Variants in SMCHD1 observed in about 807,000 individuals in gnomAD.
SMCHD1 encodes structural maintenance of chromosomes flexible hinge domain containing 1.
Under a neutral mutation model 254.7 loss-of-function variants are expected in SMCHD1, and 78 were observed. The observed-to-expected ratio is 0.31, with a 90% CI of 0.26 to 0.37. SMCHD1 has a LOEUF of 0.37. Ranked by LOEUF, SMCHD1 falls within the 10% of genes least tolerant of loss-of-function variation. The probability of loss-of-function intolerance (pLI) is 1.00; values close to 1 mark genes in which losing one functional copy is unlikely to be tolerated. For synonymous variants in SMCHD1, 766 were observed against 794.9 expected, an observed-to-expected ratio of 0.96 and a Z score of 0.61; for missense variants, 1,840 against 2,408.1, an observed-to-expected ratio of 0.76 and a Z score of 4.94.
At position 2,732,053 on chromosome 18, in the gene SMCHD1, A is replaced by G. The variant is rs141508441; in HGVS notation, c.3049-212A>G. 5.3e-5 allele frequency among the ~76,000 whole-genome samples: 8 copies of G among 152,286 alleles called. No individual in the cohort carries two copies. In the East Asian group the frequency reaches 1.5e-3, roughly 29 times the overall value. ...GGGGAATCCTTTTAGTCCACATACA[A>G]TTGTTTTTATTTTAAGAATGTGGCC... On this transcript the variant is annotated intron_variant, in intron 24 of 47. Transcript: ENST00000320876.
intron 34 of SMCHD1, among the ~76,000 whole-genome samples, chr18:2,759,571 C>CTTTTTTTTTTTTTTTTTTT (rs61159403): frequency 7.2e-5 from 5 of 69,520 alleles, no homozygotes; most frequent in African/African-American, 1.7e-4. Flanking sequence ...TTAATTCTCT[C>CTTTTTTTTTTTTTTTTTTT]TTTTTTTTTT....
At chr18:2,790,612 T>C (rs2143838536) in intron 45 of SMCHD1, among the ~76,000 whole-genome samples, 1 of 152,076 alleles carries the variant, frequency 6.6e-6, no homozygotes, top group East Asian at 1.9e-4. Flanking sequence ...ATACAAAAAA[T>C]TAGCTGGGCG....
intron 5 of SMCHD1, among the ~76,000 whole-genome samples, chr18:2,678,537 G>C (rs1483633850): frequency 3.3e-5 from 5 of 151,920 alleles, no homozygotes; most frequent in African/African-American, 1.2e-4. Context: ...GGTTGGTCTC[G>C]AACTCCTGAC....
chr18:2,662,328 G>A (rs1380977889), intron 1 of SMCHD1, among the ~76,000 whole-genome samples: 1 of 151,712 alleles, frequency 6.6e-6, no homozygotes, highest in Non-Finnish European at 1.5e-5. Context: ...AGTAACTACA[G>A]GATGCATAAT....
Position 2,772,312 on chromosome 18 carries a change from A to C in SMCHD1, c.5115A>C (p.Lys1705Asn). 1 of 1,609,022 alleles carries C rather than the reference A, an allele frequency of 6.2e-7. No homozygotes were observed. The highest frequency in any genetic ancestry group is 8.5e-7 in the Non-Finnish European group (1 of 1,178,048). The change falls in exon 41 of 48, where the codon AAA becomes AAC. Residue 1705 changes from lysine (K) to asparagine (N), a missense_variant. Physicochemically the swap from Lys to Asn is moderately conservative, Grantham distance 94 (BLOSUM62 0). This residue lies in a region of SMCHD1 where 881 missense variants were observed against 1,009.5 expected (regional missense o/e 0.87). Transcript: ENST00000320876. ...KLSEQEELKK[K>N]PRRSCTLPNY... is the part of the protein sequence containing the mutation. The stretch of plus-strand genomic sequence containing the variant: ...CAGAACAAGAAGAACTGAAGAAAAA[A>C]CCTAGAAGATCGTGTACTCTTCCAA...
intron 37 of SMCHD1, among the ~76,000 whole-genome samples, chr18:2,768,118 T>C (rs1042170099): frequency 6.6e-6 from 1 of 151,924 alleles, no homozygotes; most frequent in African/African-American, 2.4e-5. Context: ...GACTGATATA[T>C]TGAACAGATT....
intron 10 of SMCHD1, among the ~76,000 whole-genome samples, chr18:2,699,689 C>T (rs528936823): frequency 6.6e-6 from 1 of 152,184 alleles, no homozygotes; most frequent in Non-Finnish European, 1.5e-5. Flanking sequence ...TGCTAATAGA[C>T]AAAAAGATAT....
Position 2,760,635 on chromosome 18 carries a change from CT to C in SMCHD1, c.4347-14del. 1.4e-6 allele frequency: 2 copies of C among 1,383,312 alleles called. No individual in the cohort carries two copies. Among genetic ancestry groups the C allele is most frequent in the South Asian group, 2.3e-5 (2 of 85,474 alleles). The allele number at this position is 1,383,312 out of a possible 1,614,324, so 85.7% of individuals were successfully genotyped here. On this transcript the variant is annotated splice_polypyrimidine_tract_variant and intron_variant, in intron 34 of 47. Coordinates refer to ENST00000320876, the MANE Select transcript of SMCHD1 (RefSeq NM_015295.3). ...ATACAAACATTGTCAGTAATCTTAA[CT>C]TTCTTTTAAATTTAGGGATAAAGTA...
At chr18:2,771,080 C>T (rs1462170434) in intron 39 of SMCHD1, among the ~76,000 whole-genome samples, 1 of 151,930 alleles carries the variant, frequency 6.6e-6, no homozygotes, top group Non-Finnish European at 1.5e-5. Flanking sequence ...AAATATTTAC[C>T]GCTTGCCTCA....
At chr18:2,773,606 T>A (rs2076018827) in intron 41 of SMCHD1, among the ~76,000 whole-genome samples, 1 of 152,126 alleles carries the variant, frequency 6.6e-6, no homozygotes, top group African/African-American at 2.4e-5. Context: ...CCTTAAAAAA[T>A]ACTCTTCCTG....
In SMCHD1 at chr18:2,707,912, T is replaced by C; in HGVS notation, c.2252T>C (p.Ile751Thr). 1 of 1,583,106 alleles carries C rather than the reference T, an allele frequency of 6.3e-7. No individual in the cohort carries two copies. ...SKKLLVELKV[I>T]LHSSSGNKEI... Reference sequence around the variant, plus strand: ...AAACTCCTGGTTGAGCTCAAAGTTATTTTACATTGTAAGTATACAAACTAA... The same window carrying C: ...AAACTCCTGGTTGAGCTCAAAGTTACTTTACATTGTAAGTATACAAACTAA... Residue 751 changes from isoleucine (I) to threonine (T), a missense_variant, in exon 17 of 48, where the codon ATT becomes ACT. This residue lies in a region of SMCHD1 where 498 missense variants were observed against 743.5 expected (regional missense o/e 0.67). Coordinates refer to ENST00000320876, the MANE Select transcript of SMCHD1 (RefSeq NM_015295.3).
At chr18:2,668,346 T>C (rs761619966) in intron 3 of SMCHD1, among the ~76,000 whole-genome samples, 39 of 152,358 alleles carry the variant, frequency 2.6e-4, no homozygotes, top group Non-Finnish European at 4.0e-4. Context: ...CAAGTACTTA[T>C]GAGCGTTGTC....
In SMCHD1 at chr18:2,739,185, A is replaced by G. The variant is rs149495308; in HGVS notation, c.3426-247A>G. Among the ~76,000 whole-genome samples, 314 of 152,328 alleles carry G rather than the reference A, an allele frequency of 2.1e-3. 1 individual carries two copies. Among genetic ancestry groups the G allele is most frequent in the African/African-American group, 7.0e-3 (292 of 41,590 alleles). ...TGTCATAATTTCCTTTTAATCCAGCATAAATACTGTGACTTAACATGTCTG... is the reference window on the plus strand; with the variant it reads ...TGTCATAATTTCCTTTTAATCCAGCGTAAATACTGTGACTTAACATGTCTG... On this transcript the variant is annotated intron_variant, in intron 26 of 47. Coordinates refer to ENST00000320876, the MANE Select transcript of SMCHD1 (RefSeq NM_015295.3).
intron 20 of SMCHD1, among the ~76,000 whole-genome samples, chr18:2,724,202 C>T (rs1428641220): frequency 6.6e-6 from 1 of 150,428 alleles, no homozygotes; most frequent in Non-Finnish European, 1.5e-5. Flanking sequence ...CCTGTAAACA[C>T]TTAAATTCCA....
At chr18:2,667,400 G>C (rs573422576) in intron 3 of SMCHD1, among the ~76,000 whole-genome samples, 5 of 152,130 alleles carry the variant, frequency 3.3e-5, no homozygotes, top group African/African-American at 1.2e-4. Context: ...GCTAGGTTGC[G>C]TAAGTAAGAA....
Position 2,784,451 on chromosome 18 carries a change from T to C in SMCHD1, c.5549T>C (p.Val1850Ala), listed in dbSNP as rs758058632. 6.2e-7 allele frequency: 1 copy of C among 1,605,904 alleles called. No homozygotes were observed. The highest frequency in any genetic ancestry group is 8.5e-7 in the Non-Finnish European group (1 of 1,176,514). ...LDAANHYRKEVVKITHCPTLL... is the reference protein window; with the variant it reads ...LDAANHYRKEAVKITHCPTLL... ...TTACTATTCACTTATTTACAATAGG[T>C]TGTTAAAATTACACACTGTCCTACA... Residue 1850 changes from valine to alanine, a missense_variant and splice_region_variant, in exon 45 of 48, where the codon GTT becomes GCT. This residue lies in a region of SMCHD1 where 114 missense variants were observed against 217.6 expected (regional missense o/e 0.52). Coordinates refer to ENST00000320876, the MANE Select transcript of SMCHD1 (RefSeq NM_015295.3).
chr18:2,799,915 C>T (rs1239922564), intron 47 of SMCHD1, among the ~76,000 whole-genome samples: 1 of 152,062 alleles, frequency 6.6e-6, no homozygotes, highest in Non-Finnish European at 1.5e-5. Flanking sequence ...GATTCCATGT[C>T]TTTCTCTCTC....
At chr18:2,743,693 A>G (rs1158260470) in intron 28 of SMCHD1, 68 bp from the exon 29 acceptor site, 2 of 1,247,586 alleles carry the variant, frequency 1.6e-6, no homozygotes, top group Non-Finnish European at 2.2e-6. Context: ...ATGACAAAAC[A>G]TTTTATTTTG....
chr18:2,732,898 C>T (rs2075170509), intron 25 of SMCHD1, among the ~76,000 whole-genome samples: 1 of 152,110 alleles, frequency 6.6e-6, no homozygotes, highest in Admixed American at 6.5e-5. Context: ...ACTACAGAGC[C>T]TCTATTTGGC....
Sources: gnomAD v4.1 joint callset for allele counts (sites outside exome capture counted in the v4.1 genomes callset) on GRCh38, gnomAD v4.1.1 for gene constraint, gnomAD v4.1.1 regional missense constraint, MANE v1.5 for transcripts, NCBI Gene and HGNC (gene_info 2026-07-23, HGNC 2026-07-21) for gene names.